TAFA1: variants seen among roughly 807,000 people sequenced by gnomAD.
The protein encoded by TAFA1 is chemokine-like protein TAFA-1.
TAFA1 carries 4 observed loss-of-function variants against 18.5 expected under a neutral mutation model. The ratio of observed to expected loss-of-function variants is 0.22; its 90% confidence interval spans 0.11 to 0.49. TAFA1 has a LOEUF of 0.49. Among genes scored for constraint, TAFA1 ranks in the 20% least tolerant of loss-of-function variants. The pLI, the probability that TAFA1 is intolerant of heterozygous loss-of-function variation, is 0.98. For missense variants in TAFA1, 147 were observed against 169.0 expected (o/e 0.87, Z 0.72); for synonymous variants, 56 against 55.2 (o/e 1.01, Z -0.06).
In TAFA1 at chr3:68,406,522, T is replaced by C. The variant is rs1179231672; in HGVS notation, c.119-10758T>C. ...GGCTCAGGGAAGCTGTGATTCAGTTTCCAGAGACTAATATTGACATCCAGG... is the reference window on the plus strand; with the variant it reads ...GGCTCAGGGAAGCTGTGATTCAGTTCCCAGAGACTAATATTGACATCCAGG... On this transcript the variant is annotated intron_variant, in intron 2 of 4. Coordinates refer to ENST00000478136, the MANE Select transcript of TAFA1 (RefSeq NM_213609.4). Among the ~76,000 whole-genome samples, 3 of 152,154 alleles carry C rather than the reference T, an allele frequency of 2.0e-5. No individual in the cohort carries two copies. The East Asian group carries it at 5.8e-4, about 29-fold the overall frequency.
chr3:68,340,393 G>C (rs2069059360), intron 2 of TAFA1, among the ~76,000 whole-genome samples: 1 of 152,194 alleles, frequency 6.6e-6, no homozygotes, highest in Admixed American at 6.5e-5. Context: ...GTACTTAACA[G>C]GATCATATGT....
In TAFA1 at chr3:68,501,972, A is replaced by G. The variant is rs536393771; in HGVS notation, c.260-36784A>G. On this transcript the variant is annotated intron_variant, in intron 3 of 4. Coordinates refer to ENST00000478136, the MANE Select transcript of TAFA1 (RefSeq NM_213609.4). ...CTCCTCCAGGAAAGAAAATCAAAGT[A>G]AGCTAGAAGAAAAATAATCCAAACT... Among the ~76,000 whole-genome samples, 9 of 152,264 alleles carry G rather than the reference A, an allele frequency of 5.9e-5. No individual in the cohort carries two copies. The South Asian group carries it at 1.9e-3, about 32-fold the overall frequency.
At chr3:68,482,067 G>T (rs1263016185) in intron 3 of TAFA1, among the ~76,000 whole-genome samples, 1 of 152,190 alleles carries the variant, frequency 6.6e-6, no homozygotes, top group Non-Finnish European at 1.5e-5. Flanking sequence ...CTGGAGTGCA[G>T]TGGCGCGATC....
intron 2 of TAFA1, among the ~76,000 whole-genome samples, chr3:68,263,908 T>G (rs1013724181): frequency 1.3e-5 from 2 of 152,230 alleles, no homozygotes; most frequent in Non-Finnish European, 2.9e-5. Context: ...TCAATATCTG[T>G]GTATCTTCTA....
chr3:68,170,610 C>T (rs972348450), intron 2 of TAFA1, among the ~76,000 whole-genome samples: 3 of 152,122 alleles, frequency 2.0e-5, no homozygotes, highest in Non-Finnish European at 4.4e-5. Context: ...CAGAAATAAA[C>T]CGAAAATGCC....
chr3:68,198,464 T>C (rs1015455076), intron 2 of TAFA1, among the ~76,000 whole-genome samples: 4 of 151,642 alleles, frequency 2.6e-5, no homozygotes, highest in African/African-American at 9.7e-5. Context: ...TTCAAAAGTG[T>C]CTGTAATATT....
intron 3 of TAFA1, among the ~76,000 whole-genome samples, chr3:68,484,593 T>TGGGC (rs1174859552): frequency 6.6e-6 from 1 of 152,160 alleles, no homozygotes; most frequent in East Asian, 1.9e-4. Flanking sequence ...AGAAAGAAGC[T>TGGGC]GGGCAGAAGC....
At chr3:68,385,338 G>A (rs931748858) in intron 2 of TAFA1, among the ~76,000 whole-genome samples, 9 of 152,052 alleles carry the variant, frequency 5.9e-5, no homozygotes, top group African/African-American at 1.9e-4. Context: ...CATAAATCCT[G>A]ATCAAAGACT....
the TAFA1 span, among the ~76,000 whole-genome samples, chr3:67,993,750 A>C: frequency 5.0e-3 from 760 of 152,306 alleles, 6 homozygotes; most frequent in African/African-American, 0.018. Flanking sequence ...AATCTGATGA[A>C]ATTATACAAA....
intron 3 of TAFA1, among the ~76,000 whole-genome samples, chr3:68,525,849 T>C (rs905581947): frequency 1.3e-4 from 19 of 150,070 alleles, no homozygotes; most frequent in Non-Finnish European, 2.1e-4. Flanking sequence ...CTCTCTCTCT[T>C]TTTTTTTTAA....
intron 2 of TAFA1, among the ~76,000 whole-genome samples, chr3:68,334,897 G>T (rs1419155988): frequency 6.6e-6 from 1 of 152,104 alleles, no homozygotes; most frequent in Non-Finnish European, 1.5e-5. Context: ...TGACTCCAAG[G>T]TGTCACACAT....
intron 2 of TAFA1, among the ~76,000 whole-genome samples, chr3:68,056,563 C>T (rs1016213069): frequency 1.3e-5 from 2 of 152,098 alleles, no homozygotes; most frequent in Admixed American, 1.3e-4. Context: ...GACAGCCAAT[C>T]AATAAAAGAA....
chr3:68,451,083 C>G (rs1005762841), intron 3 of TAFA1, among the ~76,000 whole-genome samples: 1 of 152,162 alleles, frequency 6.6e-6, no homozygotes, highest in Non-Finnish European at 1.5e-5. Context: ...TACTATGAAA[C>G]TATCTTTTCA....
intron 2 of TAFA1, among the ~76,000 whole-genome samples, chr3:68,412,845 A>G (rs1236337353): frequency 6.6e-6 from 1 of 152,116 alleles, no homozygotes; most frequent in Non-Finnish European, 1.5e-5. Flanking sequence ...ATACGTGTGC[A>G]TGTGTCTTTA....
At chr3:68,234,064 G>A (rs570105328) in intron 2 of TAFA1, among the ~76,000 whole-genome samples, 8 of 152,214 alleles carry the variant, frequency 5.3e-5, no homozygotes, top group African/African-American at 7.2e-5. Context: ...GAATATCACC[G>A]TACCTCCACA....
At chr3:68,521,454 C>G (rs1212400529) in intron 3 of TAFA1, among the ~76,000 whole-genome samples, 1 of 152,104 alleles carries the variant, frequency 6.6e-6, no homozygotes, top group African/African-American at 2.4e-5. Flanking sequence ...AAACACACAA[C>G]TGGAAATGTA....
intron 2 of TAFA1, among the ~76,000 whole-genome samples, chr3:68,127,649 A>G (rs1352351248): frequency 8.4e-3 from 3 of 358 alleles, no homozygotes; most frequent in Non-Finnish European, 0.014. Context: ...TGCTGATGAC[A>G]GTGGTGGTGG....
chr3:68,280,082 T>A (rs747802450), intron 2 of TAFA1, among the ~76,000 whole-genome samples: 5 of 152,048 alleles, frequency 3.3e-5, no homozygotes, highest in Non-Finnish European at 5.9e-5. Flanking sequence ...GTAGGTCATA[T>A]ATTTACTGTC....
chr3:68,246,470 G>T (rs937524669), intron 2 of TAFA1, among the ~76,000 whole-genome samples: 49 of 151,396 alleles, frequency 3.2e-4, no homozygotes, highest in Middle Eastern at 6.8e-3. Context: ...GGCGCCTGTA[G>T]TCCCAGCTAC....
Sources: allele counts gnomAD v4.1 joint callset (sites outside exome capture counted in the v4.1 genomes callset), GRCh38; gene constraint gnomAD v4.1.1; transcripts MANE v1.5; gene names NCBI Gene and HGNC (gene_info 2026-07-23, HGNC 2026-07-21).